Variants in ROR2 observed in about 807,000 individuals in gnomAD.
The protein encoded by ROR2 is tyrosine-protein kinase transmembrane receptor ROR2.
ROR2 carries 33 observed loss-of-function variants against 74.9 expected under a neutral mutation model. The observed-to-expected ratio is 0.44, with a 90% CI of 0.33 to 0.59. ROR2 has a LOEUF of 0.59. Among genes scored for constraint, ROR2 ranks in the 20% least tolerant of loss-of-function variants. The pLI, the probability that ROR2 is intolerant of heterozygous loss-of-function variation, is 0.02. For synonymous variants in ROR2, 586 were observed against 558.7 expected, an observed-to-expected ratio of 1.05 and a Z score of -0.69; for missense variants, 1,216 against 1,313.8, an observed-to-expected ratio of 0.93 and a Z score of 1.15.
chr9:91,806,747 A>G (rs569814519), intron 1 of ROR2, among the ~76,000 whole-genome samples: 9 of 151,636 alleles, frequency 5.9e-5, no homozygotes, highest in Middle Eastern at 3.4e-3. Context: ...CCACCACCAC[A>G]CCCGGCTAAT....
At chr9:91,945,367 T>C (rs1387581530) in intron 1 of ROR2, among the ~76,000 whole-genome samples, 1 of 152,190 alleles carries the variant, frequency 6.6e-6, no homozygotes, top group East Asian at 1.9e-4. Flanking sequence ...TAACTATCCC[T>C]CCAGGAGGGT....
At chr9:91,788,830 C>T (rs938486500) in intron 1 of ROR2, among the ~76,000 whole-genome samples, 3 of 148,168 alleles carry the variant, frequency 2.0e-5, no homozygotes, top group African/African-American at 7.5e-5. Context: ...TGCCGCACTC[C>T]AGCCTGGGTG....
At chr9:91,859,203 T>C (rs924389406) in intron 1 of ROR2, among the ~76,000 whole-genome samples, 7 of 81,448 alleles carry the variant, frequency 8.6e-5, no homozygotes, top group Non-Finnish European at 1.8e-4. Flanking sequence ...ATTCCTTTTT[T>C]TTTTTTTTTT....
chr9:91,904,939 A>G (rs1405505991), intron 1 of ROR2, among the ~76,000 whole-genome samples: 1 of 151,926 alleles, frequency 6.6e-6, no homozygotes, highest in Non-Finnish European at 1.5e-5. Context: ...CACAGCACAT[A>G]CACCACACAC....
At chr9:91,924,125 G>C (rs1380062613) in intron 1 of ROR2, among the ~76,000 whole-genome samples, 2 of 152,228 alleles carry the variant, frequency 1.3e-5, no homozygotes, top group Non-Finnish European at 2.9e-5. Context: ...TCTGCACTGA[G>C]TAGAACTGAG....
intron 1 of ROR2, among the ~76,000 whole-genome samples, chr9:91,937,913 T>C (rs1360710251): frequency 6.6e-6 from 1 of 152,138 alleles, no homozygotes; most frequent in African/African-American, 2.4e-5. Flanking sequence ...AAACAGGGTC[T>C]TGCTATGTTG....
intron 1 of ROR2, among the ~76,000 whole-genome samples, chr9:91,876,578 A>C (rs1829961560): frequency 6.6e-6 from 1 of 152,190 alleles, no homozygotes; most frequent in African/African-American, 2.4e-5. Flanking sequence ...TCCCAATATG[A>C]AACAGAGGTG....
chr9:91,943,953 A>G (rs1279723799), intron 1 of ROR2, among the ~76,000 whole-genome samples: 3 of 152,224 alleles, frequency 2.0e-5, no homozygotes, highest in East Asian at 1.9e-4. Flanking sequence ...CTCAATGTTA[A>G]AAGACTGAAA....
intron 1 of ROR2, among the ~76,000 whole-genome samples, chr9:91,852,643 ACACACACC>A (rs1435790290): frequency 5.3e-5 from 8 of 151,284 alleles, no homozygotes; most frequent in African/African-American, 7.4e-5. Flanking sequence ...ACACACACAC[ACACACACC>A]CACACACACA....
chr9:91,891,544 C>T (rs533797763), intron 1 of ROR2, among the ~76,000 whole-genome samples: 1 of 151,720 alleles, frequency 6.6e-6, no homozygotes, highest in Non-Finnish European at 1.5e-5. Context: ...GCGGGGATTA[C>T]AGGCGTGAGC....
chr9:91,937,114 CAAGCTA>C (rs1365367294), intron 1 of ROR2, among the ~76,000 whole-genome samples: 1 of 150,442 alleles, frequency 6.6e-6, no homozygotes. Context: ...GCCAGTAACA[CAAGCTA>C]AAGTATTTTT....
chr9:91,882,402 C>T (rs143854348), intron 1 of ROR2, among the ~76,000 whole-genome samples: 33 of 134,176 alleles, frequency 2.5e-4, no homozygotes, highest in African/African-American at 9.9e-4. Flanking sequence ...CAATGTGAGA[C>T]TCTGTCTCAA....
chr9:91,948,959 C>T, intron 1 of ROR2: 2 of 976,844 alleles, frequency 2.0e-6, no homozygotes, highest in Non-Finnish European at 1.2e-6. Context: ...CTAGGCAGGT[C>T]CCAAGCTGCA....
intron 1 of ROR2, among the ~76,000 whole-genome samples, chr9:91,935,780 G>A (rs1377174283): frequency 2.0e-5 from 3 of 152,212 alleles, no homozygotes; most frequent in Non-Finnish European, 2.9e-5. Context: ...CAGCCCACAA[G>A]TGACAAGGCT....
Position 91,723,792 on chromosome 9 carries a change from G to A in ROR2, c.2702C>T (p.Pro901Leu), listed in dbSNP as rs768268681. The A allele has an allele frequency of 6.2e-7, 1 of 1,613,802 alleles. No homozygotes were observed. Among genetic ancestry groups the A allele is most frequent in the Admixed American group, 1.7e-5 (1 of 60,034 alleles). ...SEGADDTQNA[P>L]EDGAQSTVQE... is the part of the protein sequence containing the mutation. The stretch of plus-strand genomic sequence containing the variant: ...CACGGTGCTCTGGGCCCCATCTTCT[G>A]GGGCGTTCTGTGTGTCATCAGCGCC... Residue 901 changes from proline (P) to leucine (L), a missense_variant, in exon 9 of 9, where the codon CCA becomes CTA. By Grantham distance (98) the Pro-to-Leu change is moderately conservative (BLOSUM62 -3). Transcript: ENST00000375708.
chr9:91,753,991 T>C (rs1825664124), intron 4 of ROR2, among the ~76,000 whole-genome samples: 1 of 152,120 alleles, frequency 6.6e-6, no homozygotes, highest in South Asian at 2.1e-4. Context: ...TGTTTTGTAT[T>C]TCCTTAGGTA....
chr9:91,826,341 A>G (rs949223316), intron 1 of ROR2, among the ~76,000 whole-genome samples: 2 of 152,078 alleles, frequency 1.3e-5, no homozygotes, highest in Non-Finnish European at 2.9e-5. Flanking sequence ...TTCTTATTTC[A>G]TCGTGTTTTT....
In ROR2 at chr9:91,950,107, G is replaced by T; in HGVS notation, c.-144C>A. 1 of 437,682 alleles carries T rather than the reference G, an allele frequency of 2.3e-6. No individual in the cohort carries two copies. The highest frequency in any genetic ancestry group is 3.9e-6 in the Non-Finnish European group (1 of 253,860). The allele number at this position is 437,682 out of a possible 1,614,324, so 27.1% of individuals were successfully genotyped here. On this transcript the variant is annotated 5_prime_UTR_variant, in exon 1 of 9. Transcript: ENST00000375708. ...GGTCCACTTCGAGGACCTCGTCGTC[G>T]TCCTCTTCTCCGGCCCGGATGCGCC...
chr9:91,944,816 G>A (rs751187184), intron 1 of ROR2, among the ~76,000 whole-genome samples: 2 of 152,010 alleles, frequency 1.3e-5, no homozygotes, highest in Non-Finnish European at 2.9e-5. Flanking sequence ...CAGGACTGGG[G>A]TGGGGGTGGG....
Sources: allele counts gnomAD v4.1 joint callset (sites outside exome capture counted in the v4.1 genomes callset), GRCh38; gene constraint gnomAD v4.1.1; transcripts MANE v1.5; gene names NCBI Gene and HGNC (gene_info 2026-07-23, HGNC 2026-07-21).